Variants in DKK2 observed in about 807,000 individuals in gnomAD.
DKK2 encodes the protein dickkopf Wnt signaling pathway inhibitor 2, also known as dickkopf-related protein 2.
Under a neutral mutation model 28.1 loss-of-function variants are expected in DKK2, and 11 were observed. That is an observed-to-expected ratio of 0.39 (90% CI 0.25 to 0.65). DKK2 has a LOEUF of 0.65. Ranked by LOEUF, DKK2 falls within the 30% of genes least tolerant of loss-of-function variation. DKK2 has a pLI of 0.47. For synonymous variants in DKK2, 135 were observed against 126.5 expected (o/e 1.07, Z -0.45); for missense variants, 326 against 335.5 (o/e 0.97, Z 0.22).
chr4:106,968,477 T>C (rs1242057456), intron 1 of DKK2, among the ~76,000 whole-genome samples: 1 of 152,172 alleles, frequency 6.6e-6, no homozygotes, highest in Non-Finnish European at 1.5e-5. Flanking sequence ...TAGGCATATA[T>C]CATGTATGTG....
At chr4:106,932,404 A>G (rs1384730973) in intron 1 of DKK2, among the ~76,000 whole-genome samples, 1 of 152,150 alleles carries the variant, frequency 6.6e-6, no homozygotes, top group Non-Finnish European at 1.5e-5. Context: ...ATGTCATTAA[A>G]CCAAAAGGAA....
At chr4:106,951,773 G>T (rs1269878555) in intron 1 of DKK2, among the ~76,000 whole-genome samples, 1 of 152,040 alleles carries the variant, frequency 6.6e-6, no homozygotes, top group Non-Finnish European at 1.5e-5. Flanking sequence ...ATAGCTCTTA[G>T]TTCTAACTGG....
intron 1 of DKK2, among the ~76,000 whole-genome samples, chr4:106,957,912 A>AAATT (rs539263383): frequency 2.3e-4 from 34 of 150,730 alleles, no homozygotes; most frequent in South Asian, 4.2e-4. Flanking sequence ...ATAATAATTA[A>AAATT]AATTAATTAA....
chr4:107,004,003 G>A (rs1723400287), intron 1 of DKK2, among the ~76,000 whole-genome samples: 1 of 152,142 alleles, frequency 6.6e-6, no homozygotes, highest in Non-Finnish European at 1.5e-5. Context: ...AAATAGAATT[G>A]ATGAAACAGT....
intron 1 of DKK2, among the ~76,000 whole-genome samples, chr4:106,991,053 G>C (rs978321427): frequency 6.6e-6 from 1 of 151,994 alleles, no homozygotes; most frequent in African/African-American, 2.4e-5. Context: ...TTGTGCAAAG[G>C]AAAAATGTCC....
At chr4:106,990,748 G>A (rs1275633459) in intron 1 of DKK2, among the ~76,000 whole-genome samples, 1 of 152,020 alleles carries the variant, frequency 6.6e-6, no homozygotes, top group East Asian at 1.9e-4. Context: ...GCAACCAGAG[G>A]CAAGAAAGCA....
intron 2 of DKK2, 53 bp downstream of exon 2, chr4:106,925,746 G>T: frequency 1.3e-6 from 2 of 1,560,728 alleles, no homozygotes; most frequent in Non-Finnish European, 1.7e-6. Flanking sequence ...TGAGAGACAG[G>T]CTTATGATGA....
intron 1 of DKK2, among the ~76,000 whole-genome samples, chr4:106,946,634 G>A (rs1724780354): frequency 6.6e-6 from 1 of 151,986 alleles, no homozygotes; most frequent in Non-Finnish European, 1.5e-5. Flanking sequence ...TACACATAGA[G>A]CATAGGCAGC....
intron 1 of DKK2, among the ~76,000 whole-genome samples, chr4:107,013,866 A>T (rs750814321): frequency 3.6e-4 from 54 of 151,614 alleles, no homozygotes; most frequent in Middle Eastern, 3.2e-3. Context: ...AATCTCATTT[A>T]AAAATGGGCA....
At chr4:106,954,875 G>A (rs1313778315) in intron 1 of DKK2, among the ~76,000 whole-genome samples, 3 of 152,160 alleles carry the variant, frequency 2.0e-5, no homozygotes, top group Admixed American at 6.6e-5. Flanking sequence ...AGTTCATGCT[G>A]TACAGAAAAT....
rs35161719 is a variant in DKK2 at position 106,965,007 on chromosome 4, T to TAGATAGATA, written c.223-39059_223-39058insTATCTATCT. Reference sequence around the variant, plus strand: ...TAGATAGATAGATAGATAGATAGATTGATTGATTCTGATTCTCTGGAAACT... The same window carrying TAGATAGATA: ...TAGATAGATAGATAGATAGATAGATTAGATAGATAGATTGATTCTGATTCTCTGGAAACT... On this transcript the variant is annotated intron_variant, in intron 1 of 3. Coordinates refer to ENST00000285311, the MANE Select transcript of DKK2 (RefSeq NM_014421.3). 1.1e-3 allele frequency among the ~76,000 whole-genome samples: 141 copies of TAGATAGATA among 126,256 alleles called. 1 individual carries two copies. The highest frequency in any genetic ancestry group is 2.3e-3 in the Admixed American group (29 of 12,588). The allele number at this position is 126,256 out of a possible 152,430, so 82.8% of individuals were successfully genotyped here. A position where few individuals can be genotyped will look rare whatever the true frequency, so the allele number is the denominator to read the frequency against.
At chr4:107,000,604 A>G (rs190476047) in intron 1 of DKK2, among the ~76,000 whole-genome samples, 9 of 152,296 alleles carry the variant, frequency 5.9e-5, no homozygotes, top group Admixed American at 2.0e-4. Context: ...TTCCTATTCT[A>G]TATGCTAATT....
At chr4:106,952,303 C>T (rs1722466225) in intron 1 of DKK2, among the ~76,000 whole-genome samples, 1 of 152,038 alleles carries the variant, frequency 6.6e-6, no homozygotes, top group Non-Finnish European at 1.5e-5. Flanking sequence ...TTATTTAATG[C>T]TGTGATTATA....
chr4:106,944,508 A>G (rs1317406818), intron 1 of DKK2, among the ~76,000 whole-genome samples: 3 of 152,126 alleles, frequency 2.0e-5, no homozygotes. Flanking sequence ...TCCCAGGTTT[A>G]AAACCCTACA....
At chr4:106,983,007 AGAG>A (rs981178987) in intron 1 of DKK2, among the ~76,000 whole-genome samples, 15 of 151,514 alleles carry the variant, frequency 9.9e-5, no homozygotes, top group Non-Finnish European at 1.6e-4. Context: ...GAAAAGAAAA[AGAG>A]AGAAAGGAAG....
At chr4:107,003,275 G>A (rs747642133) in intron 1 of DKK2, among the ~76,000 whole-genome samples, 8 of 152,152 alleles carry the variant, frequency 5.3e-5, no homozygotes, top group South Asian at 2.1e-4. Context: ...AGAAGATTCC[G>A]TCTTTCACTC....
chr4:106,936,809 A>C (rs1724596722), intron 1 of DKK2, among the ~76,000 whole-genome samples: 1 of 152,016 alleles, frequency 6.6e-6, no homozygotes, highest in African/African-American at 2.4e-5. Flanking sequence ...GGGGGCCAAT[A>C]TTCAACATTC....
intron 1 of DKK2, among the ~76,000 whole-genome samples, chr4:106,959,191 A>G (rs950744083): frequency 6.6e-6 from 1 of 152,170 alleles, no homozygotes; most frequent in African/African-American, 2.4e-5. Context: ...ATTTGCCTGT[A>G]TGAGAAAATA....
chr4:107,011,458 G>T (rs1402870352), intron 1 of DKK2, among the ~76,000 whole-genome samples: 1 of 151,548 alleles, frequency 6.6e-6, no homozygotes, highest in African/African-American at 2.4e-5. Context: ...ACCATATCTT[G>T]TTTGTCAGTC....
Sources: gnomAD v4.1 joint callset for allele counts (sites outside exome capture counted in the v4.1 genomes callset) on GRCh38, gnomAD v4.1.1 for gene constraint, MANE v1.5 for transcripts, NCBI Gene and HGNC (gene_info 2026-07-23, HGNC 2026-07-21) for gene names.